SCEL: variants seen among roughly 807,000 people sequenced by gnomAD.
SCEL encodes sciellin.
Under a neutral mutation model 117.6 loss-of-function variants are expected in SCEL, and 113 were observed. The observed-to-expected ratio is 0.96, with a 90% CI of 0.83 to 1.12. The LOEUF is 1.12. Among genes scored for constraint, SCEL ranks in the 50% most tolerant of loss-of-function variants. The probability of loss-of-function intolerance (pLI) is 0.00; values close to 1 mark genes in which losing one functional copy is unlikely to be tolerated. For missense variants in SCEL, 785 were observed against 810.8 expected (o/e 0.97, Z 0.39); for synonymous variants, 270 against 256.2 (o/e 1.05, Z -0.51).
intron 19 of SCEL, among the ~76,000 whole-genome samples, chr13:77,606,087 A>G (rs565194647): frequency 1.1e-4 from 17 of 152,290 alleles, no homozygotes; most frequent in Middle Eastern, 3.4e-3. Context: ...CATGCATACA[A>G]ATGTTTTTGT....
chr13:77,574,382 GAA>G (rs774989274), intron 9 of SCEL, among the ~76,000 whole-genome samples: 35 of 152,290 alleles, frequency 2.3e-4, no homozygotes, highest in Non-Finnish European at 4.7e-4. Flanking sequence ...GAAACTAAGG[GAA>G]AGAGGAGATT....
intron 8 of SCEL, among the ~76,000 whole-genome samples, chr13:77,571,730 T>TAG (rs1555506591): frequency 8.2e-4 from 123 of 150,306 alleles, no homozygotes; most frequent in Admixed American, 1.7e-3. Flanking sequence ...TATATATATA[T>TAG]AGAGTAGAGT....
chr13:77,620,262 G>A (rs2089337538), intron 27 of SCEL, among the ~76,000 whole-genome samples: 1 of 152,062 alleles, frequency 6.6e-6, no homozygotes, highest in Non-Finnish European at 1.5e-5. Flanking sequence ...TCATTCAATT[G>A]GTTCAGCCAC....
At chr13:77,558,773 G>A (rs183725441) in intron 3 of SCEL, among the ~76,000 whole-genome samples, 120 of 134,084 alleles carry the variant, frequency 8.9e-4, no homozygotes, top group Admixed American at 3.0e-3. Context: ...CCGAGATATC[G>A]CACCACTGCA....
At chr13:77,631,316 T>C (rs542085947) in intron 28 of SCEL, among the ~76,000 whole-genome samples, 1 of 152,350 alleles carries the variant, frequency 6.6e-6, no homozygotes, top group East Asian at 1.9e-4. Flanking sequence ...AGATACATTT[T>C]TTGTTGTAAA....
intron 9 of SCEL, among the ~76,000 whole-genome samples, chr13:77,573,685 C>A (rs192697976): frequency 6.6e-6 from 1 of 151,644 alleles, no homozygotes; most frequent in East Asian, 1.9e-4. Flanking sequence ...ATCTATCTGT[C>A]TATCTATCTA....
chr13:77,599,437 G>A (rs147974583), intron 14 of SCEL, 49 bp downstream of exon 14: 56 of 1,479,678 alleles, frequency 3.8e-5, no homozygotes, highest in Middle Eastern at 1.7e-4. Context: ...CAGATTGCTC[G>A]TCTTATTCCC....
chr13:77,548,687 A>G (rs765561614), intron 1 of SCEL, among the ~76,000 whole-genome samples: 1 of 152,126 alleles, frequency 6.6e-6, no homozygotes, highest in Non-Finnish European at 1.5e-5. Flanking sequence ...TTTTTTCCAT[A>G]CTGTTCTCAA....
chr13:77,556,632 A>C lies in SCEL; in HGVS notation c.80A>C (p.Gln27Pro). ...ACCACTCAGGGAACCACACGGAAGC[A>C]GCAGGATTTTCACGAGGTGAACAAA... ...KSTTQGTTRKQQDFHEVNKRR... is the reference protein window; with the variant it reads ...KSTTQGTTRKPQDFHEVNKRR... Residue 27 changes from glutamine to proline, a missense_variant, in exon 3 of 33, where the codon CAG (glutamine) becomes CCG (proline). By Grantham distance (76) the Gln-to-Pro change is moderately conservative. Coordinates refer to ENST00000349847, the MANE Select transcript of SCEL (RefSeq NM_144777.3). The C allele has an allele frequency of 6.2e-7, 1 of 1,614,138 alleles. No homozygotes were observed. Among genetic ancestry groups the C allele is most frequent in the East Asian group, 2.2e-5 (1 of 44,886 alleles).
intron 9 of SCEL, among the ~76,000 whole-genome samples, chr13:77,583,321 A>G (rs1378760607): frequency 3.3e-5 from 5 of 152,212 alleles, no homozygotes; most frequent in African/African-American, 7.2e-5. Context: ...TCTAGAATCT[A>G]GATCTCTAGA....
chr13:77,599,064 A>G (rs1383987263), intron 13 of SCEL, among the ~76,000 whole-genome samples: 1 of 152,212 alleles, frequency 6.6e-6, no homozygotes, highest in Admixed American at 6.5e-5. Context: ...CTAAAAGGGT[A>G]GAAATGCTCC....
Position 77,555,913 on chromosome 13 carries a change from G to C in SCEL, c.38G>C (p.Gly13Ala), listed in dbSNP as rs767239836. ...ACCTTGAGAAAAATGTCTCCCACAG[G>C]AAATGGTAATGTACATGATGTTTCT... ...NVTLRKMSPT[G>A]NEMKSTTQGT... is the part of the protein sequence containing the mutation. Residue 13 changes from glycine to alanine, a missense_variant, in exon 2 of 33, where the codon GGA (glycine) becomes GCA (alanine). Transcript: ENST00000349847. The C allele has an allele frequency of 1.2e-6, 2 of 1,613,230 alleles. No individual in the cohort carries two copies. Among genetic ancestry groups the C allele is most frequent in the Non-Finnish European group, 8.5e-7 (1 of 1,179,378 alleles).
intron 1 of SCEL, among the ~76,000 whole-genome samples, chr13:77,539,774 T>A (rs2083602636): frequency 6.6e-6 from 1 of 152,168 alleles, no homozygotes; most frequent in Admixed American, 6.5e-5. Context: ...GATCACGTGG[T>A]CTGCCCGCCT....
Position 77,599,836 on chromosome 13 carries a change from C to G in SCEL, c.917+88C>G, listed in dbSNP as rs1234597442. On this transcript the variant is annotated intron_variant, in intron 15 of 32. Transcript: ENST00000349847. ...GAGACCTCCTGCTTAGTACAAGGGT[C>G]AGGCAGGCTGGTGGAATAAGCCTTA... is the stretch of plus-strand genomic sequence containing the variant. The G allele has an allele frequency of 9.7e-6, 9 of 925,486 alleles. No individual in the cohort carries two copies. The Admixed American group carries it at 1.6e-4, about 17-fold the overall frequency. 57.3% of individuals were successfully genotyped at this position (925,486 alleles called of 1,614,324 possible).
At position 77,612,890 on chromosome 13, in the gene SCEL, G is replaced by C; in HGVS notation, c.1338-1G>C. On this transcript the variant is annotated splice_acceptor_variant, in intron 22 of 32. Coordinates refer to ENST00000349847, the MANE Select transcript of SCEL (RefSeq NM_144777.3). LOFTEE classifies it high-confidence loss of function. ...GCTATTGAAACTTAACATTTTTTTA[G>C]GAACCAAGACTTGGAAAATCTTATC... is the stretch of plus-strand genomic sequence containing the variant. 3 of 1,538,112 alleles carry C rather than the reference G, an allele frequency of 2.0e-6. No individual in the cohort carries two copies. The highest frequency in any genetic ancestry group is 2.6e-6 in the Non-Finnish European group (3 of 1,138,480).
At chr13:77,540,839 C>T (rs1316673927) in intron 1 of SCEL, among the ~76,000 whole-genome samples, 6 of 152,156 alleles carry the variant, frequency 3.9e-5, no homozygotes, top group African/African-American at 7.2e-5. Context: ...ACTACTTTGG[C>T]ACCAGTGAGG....
At chr13:77,604,006 G>A (rs2154401923) in intron 18 of SCEL, among the ~76,000 whole-genome samples, 1 of 118,378 alleles carries the variant, frequency 8.4e-6, no homozygotes, top group Admixed American at 9.7e-5. Context: ...TCTGGGTCCA[G>A]TGTAGAACTC....
intron 11 of SCEL, among the ~76,000 whole-genome samples, chr13:77,593,295 T>TGTGTGC (rs796907419): frequency 2.2e-5 from 3 of 136,784 alleles, no homozygotes; most frequent in African/African-American, 5.6e-5. Context: ...TGTGTGTGTG[T>TGTGTGC]GTCTGTGTGT....
At chr13:77,558,676 C>A (rs187843012) in intron 3 of SCEL, among the ~76,000 whole-genome samples, 1 of 151,688 alleles carries the variant, frequency 6.6e-6, no homozygotes, top group African/African-American at 2.4e-5. Flanking sequence ...ATTAGCCGGG[C>A]GTGTTGGCGG....
Sources: gnomAD v4.1 joint callset for allele counts (sites outside exome capture counted in the v4.1 genomes callset) on GRCh38, gnomAD v4.1.1 for gene constraint, MANE v1.5 for transcripts, NCBI Gene and HGNC (gene_info 2026-07-23, HGNC 2026-07-21) for gene names.